Variants in SPANXN4 observed in about 807,000 individuals in gnomAD.
SPANXN4 encodes the protein sperm protein associated with the nucleus on the X chromosome N4.
In SPANXN4, 5 loss-of-function variants were observed where a neutral mutation model predicts 6.0. The ratio of observed to expected loss-of-function variants is 0.83; its 90% CI spans 0.44 to 1.75. The LOEUF (loss-of-function observed/expected upper bound fraction) is 1.75, where lower values mean the gene tolerates loss of function less well. Ranked by LOEUF, SPANXN4 falls within the 40% of genes most tolerant of loss-of-function variation. The pLI is 0.02. For missense variants in SPANXN4, 157 were observed against 108.6 expected (o/e 1.45, Z -1.98); for synonymous variants, 45 against 38.0 (o/e 1.19, Z -0.68).
downstream of SPANXN4, among the ~76,000 whole-genome samples, chrX:143,035,111 A>G (rs1347704898): frequency 9.2e-6 from 1 of 108,828 alleles, no homozygotes; most frequent in Non-Finnish European, 1.9e-5. Flanking sequence ...CCCCTAAAAG[A>G]AAATATCGTT....
intron 1 of SPANXN4, among the ~76,000 whole-genome samples, chrX:143,026,979 C>T (rs7059846): frequency 0.21 from 22,768 of 110,740 alleles, 2,002 homozygotes; most frequent in South Asian, 0.31. Flanking sequence ...TAAAGGAAAC[C>T]GGATGGTCTG....
At chrX:143,030,402 A>G (rs1248013430) in intron 1 of SPANXN4, among the ~76,000 whole-genome samples, 2 of 110,598 alleles carry the variant, frequency 1.8e-5, no homozygotes, top group African/African-American at 3.3e-5. Flanking sequence ...TTGGACTGAC[A>G]GGTTATGGGA....
intron 2 of SPANXN4, chrX:143,034,235 G>A (rs1337258277): frequency 2.6e-6 from 3 of 1,166,785 alleles, no homozygotes; most frequent in Non-Finnish European, 3.4e-6. Context: ...ACAGGATGGT[G>A]GGCAGAATTA....
chrX:143,032,116 G>A (rs1342643853), intron 1 of SPANXN4, among the ~76,000 whole-genome samples: 1 of 111,935 alleles, frequency 8.9e-6, no homozygotes, highest in East Asian at 2.8e-4. Context: ...GGGAGAGGGT[G>A]GAGGAGAGCA....
intron 1 of SPANXN4, among the ~76,000 whole-genome samples, chrX:143,026,871 C>T (rs1051840907): frequency 8.9e-6 from 1 of 111,740 alleles, no homozygotes; most frequent in Non-Finnish European, 1.9e-5. Context: ...CCCTGCTATC[C>T]CAGTGCTGAG....
At chrX:143,026,068 A>C in exon 1 of SPANXN4, 1 of 1,208,407 alleles carries the variant, frequency 8.3e-7, no homozygotes, top group Non-Finnish European at 1.1e-6. Flanking sequence ...GCCCCTGTGA[A>C]TCTAACAAAA....
chrX:143,032,768 C>T (rs1275934805), intron 1 of SPANXN4, among the ~76,000 whole-genome samples: 1 of 111,330 alleles, frequency 9.0e-6, no homozygotes, highest in African/African-American at 3.3e-5. Context: ...GTAGTGAATA[C>T]CCCAGAGGGA....
intron 1 of SPANXN4, among the ~76,000 whole-genome samples, chrX:143,027,330 G>A (rs1307906337): frequency 9.0e-6 from 1 of 111,616 alleles, no homozygotes; most frequent in African/African-American, 3.3e-5. Flanking sequence ...TAGTCATTGC[G>A]GTCCTGATAT....
chrX:143,033,923 C>T, intron 1 of SPANXN4, 102 bp from the exon 2 acceptor site: 1 of 769,242 alleles, frequency 1.3e-6, no homozygotes. Flanking sequence ...CAAGCCCCTT[C>T]CTCAACCTGC....
downstream of SPANXN4, among the ~76,000 whole-genome samples, chrX:143,036,847 G>A (rs1164371939): frequency 9.0e-6 from 1 of 111,452 alleles, no homozygotes; most frequent in East Asian, 2.8e-4. Flanking sequence ...TCTGTACCTC[G>A]ATTTGGGGAA....
At position 143,032,094 on chromosome X, in the gene SPANXN4, C is replaced by T. The variant is rs184923019; in HGVS notation, c.79-1934C>T. 4.6e-3 allele frequency among the ~76,000 whole-genome samples: 515 copies of T among 111,864 alleles called. 1 individual carries two copies. The highest frequency in any genetic ancestry group is 0.012 in the South Asian group (32 of 2,706). ...GCATAGACAGCCATCCAGATGCATT[C>T]CCTGTCTTCTGGGGAGAGGGTGGAG... On this transcript the variant is annotated intron_variant, in intron 1 of 2. Coordinates refer to ENST00000370504, the Ensembl canonical transcript of SPANXN4.
chrX:143,031,616 T>C (rs1431129209), intron 1 of SPANXN4, among the ~76,000 whole-genome samples: 1 of 111,990 alleles, frequency 8.9e-6, no homozygotes, highest in Non-Finnish European at 1.9e-5. Context: ...GCAGTGACTG[T>C]TGTAACACTG....
intron 1 of SPANXN4, among the ~76,000 whole-genome samples, chrX:143,031,231 C>A (rs1230471938): frequency 9.0e-6 from 1 of 110,934 alleles, no homozygotes; most frequent in Non-Finnish European, 1.9e-5. Flanking sequence ...AAGGACCAGT[C>A]TGATTGTGCC....
At chrX:143,031,202 T>C (rs1428800040) in intron 1 of SPANXN4, among the ~76,000 whole-genome samples, 1 of 110,489 alleles carries the variant, frequency 9.1e-6, no homozygotes, top group African/African-American at 3.3e-5. Flanking sequence ...AAGGAGGGTG[T>C]TGAATAGATT....
In SPANXN4 at chrX:143,030,601, A is replaced by G. The variant is rs868565333; in HGVS notation, c.79-3427A>G. On this transcript the variant is annotated intron_variant, in intron 1 of 2. Transcript: ENST00000370504. ...GGATTTGACTACATGAAAGCAAAAA[A>G]AAAAAAACTTTGGGAAGCCAGATTT... 7.4e-3 allele frequency among the ~76,000 whole-genome samples: 825 copies of G among 111,021 alleles called. 5 individuals carry two copies. Among genetic ancestry groups the G allele is most frequent in the African/African-American group, 0.025 (776 of 30,488 alleles).
chrX:143,031,445 T>C (rs1932809367), intron 1 of SPANXN4, among the ~76,000 whole-genome samples: 1 of 111,347 alleles, frequency 9.0e-6, no homozygotes, highest in Non-Finnish European at 1.9e-5. Context: ...CAGTCTTCAG[T>C]TAGAGGTTAT....
chrX:143,026,058 G>T, exon 1 of SPANXN4: 1 of 1,209,279 alleles, frequency 8.3e-7, no homozygotes, highest in Non-Finnish European at 1.1e-6. Context: ...AAAATGAAGA[G>T]CCCCTGTGAA....
chrX:143,038,082 T>C (rs1041141090), downstream of SPANXN4, among the ~76,000 whole-genome samples: 10 of 111,902 alleles, frequency 8.9e-5, no homozygotes, highest in Non-Finnish European at 1.7e-4. Flanking sequence ...ACATAATGAA[T>C]CCCAGTTGAT....
chrX:143,035,147 G>T (rs1335444883), downstream of SPANXN4, among the ~76,000 whole-genome samples: 6 of 108,186 alleles, frequency 5.5e-5, no homozygotes, highest in Non-Finnish European at 1.1e-4. Context: ...ACAATAGAAT[G>T]GTTTTGGCAT....
Sources: gnomAD v4.1 joint callset for allele counts (sites outside exome capture counted in the v4.1 genomes callset) on GRCh38, gnomAD v4.1.1 for gene constraint, MANE v1.5 for transcripts, NCBI Gene and HGNC (gene_info 2026-07-23, HGNC 2026-07-21) for gene names.